AVEN: variants seen among roughly 807,000 people sequenced by gnomAD.
AVEN encodes cell death regulator Aven.
In AVEN, 41 loss-of-function variants were observed where a neutral mutation model predicts 38.1. The observed-to-expected ratio is 1.08, with a 90% CI of 0.84 to 1.40. The LOEUF is 1.40. Among genes scored for constraint, AVEN ranks in the 40% most tolerant of loss-of-function variants. The pLI is 0.00. For missense variants in AVEN, 605 were observed against 438.8 expected, an observed-to-expected ratio of 1.38 and a Z score of -3.38; for synonymous variants, 206 against 171.8, an observed-to-expected ratio of 1.20 and a Z score of -1.56.
intron 2 of AVEN, among the ~76,000 whole-genome samples, chr15:33,912,950 C>G (rs1269463603): frequency 1.3e-5 from 2 of 150,334 alleles, no homozygotes; most frequent in Non-Finnish European, 2.9e-5. Context: ...AGTGCAATGG[C>G]GCGATCTCGG....
At chr15:34,045,053 T>C (rs1471268275) in intron 5 of AVEN, among the ~76,000 whole-genome samples, 1 of 151,960 alleles carries the variant, frequency 6.6e-6, no homozygotes, top group East Asian at 1.9e-4. Flanking sequence ...GTCTCAAAAA[T>C]TAGTAATAAT....
intron 2 of AVEN, among the ~76,000 whole-genome samples, chr15:33,892,134 T>C (rs1048421810): frequency 3.9e-5 from 6 of 152,232 alleles, no homozygotes; most frequent in Non-Finnish European, 7.3e-5. Flanking sequence ...TAGCCCTTTG[T>C]CAGATGGGTA....
At chr15:33,898,846 A>G (rs915274776) in intron 2 of AVEN, among the ~76,000 whole-genome samples, 1 of 152,218 alleles carries the variant, frequency 6.6e-6, no homozygotes, top group Non-Finnish European at 1.5e-5. Flanking sequence ...CAGAAGTCCC[A>G]GGGGGATTAA....
intron 2 of AVEN, among the ~76,000 whole-genome samples, chr15:33,984,452 G>C (rs1384788684): frequency 1.3e-5 from 2 of 151,748 alleles, no homozygotes; most frequent in Non-Finnish European, 2.9e-5. Flanking sequence ...GCTCAGGCTG[G>C]AGTGCAATGG....
chr15:33,908,142 C>T lies in AVEN; in HGVS notation c.446-32147G>A, dbSNP rs187242714. Among the ~76,000 whole-genome samples the T allele has an allele frequency of 2.2e-3, 328 of 152,228 alleles. 1 individual carries two copies. Among genetic ancestry groups the T allele is most frequent in the Admixed American group, 7.8e-3 (119 of 15,290 alleles). On this transcript the variant is annotated intron_variant, in intron 2 of 5. Coordinates refer to ENST00000306730, the MANE Select transcript of AVEN (RefSeq NM_020371.3). The stretch of plus-strand genomic sequence containing the variant: ...TTTAGTCACTTCTAAGTATACAGTC[C>T]GGTGGCATTAAGTACATTCACATTA...
At chr15:33,860,909 T>C (rs1248393651) in intron 11 of AVEN, among the ~76,000 whole-genome samples, 1 of 120,738 alleles carries the variant, frequency 8.3e-6, no homozygotes, top group Non-Finnish European at 1.7e-5. Context: ...ATGGCACTAC[T>C]GAGTGAATGA....
At chr15:34,028,440 T>G (rs1898601869) in intron 1 of AVEN, among the ~76,000 whole-genome samples, 1 of 152,154 alleles carries the variant, frequency 6.6e-6, no homozygotes, top group Non-Finnish European at 1.5e-5. Flanking sequence ...GGCACACATC[T>G]ATTTGGTCCC....
chr15:33,865,765 CGATT>C (rs1890309302), downstream of AVEN: 1 of 153,278 alleles, frequency 6.5e-6, no homozygotes, highest in Non-Finnish European at 1.5e-5. Flanking sequence ...ACTGAAATAT[CGATT>C]AAGTGCCTTA....
At chr15:33,967,327 A>G (rs1373730702) in intron 2 of AVEN, among the ~76,000 whole-genome samples, 2 of 152,152 alleles carry the variant, frequency 1.3e-5, no homozygotes, top group African/African-American at 4.8e-5. Flanking sequence ...TTTCTGAGAC[A>G]CAAGGAATTT....
chr15:33,871,563 C>T (rs1337698766), intron 3 of AVEN, among the ~76,000 whole-genome samples: 1 of 150,866 alleles, frequency 6.6e-6, no homozygotes, highest in Non-Finnish European at 1.5e-5. Context: ...AGTGAAACTC[C>T]ATCTCAAAAA....
At chr15:34,024,170 C>T (rs1898333813) in intron 1 of AVEN, among the ~76,000 whole-genome samples, 3 of 152,150 alleles carry the variant, frequency 2.0e-5, no homozygotes, top group Admixed American at 2.0e-4. Context: ...TGGATTATAG[C>T]AGTGAACAAG....
At chr15:34,024,536 A>T (rs78731312) in intron 1 of AVEN, among the ~76,000 whole-genome samples, 6,220 of 151,266 alleles carry the variant, frequency 0.041, 422 homozygotes, top group African/African-American at 0.14. Context: ...AAAACTATCA[A>T]ATTAAAACTA....
rs565953066 is a variant in AVEN, at chr15:34,029,935, T to G, written c.267+8845A>C. 2.8e-4 allele frequency among the ~76,000 whole-genome samples: 43 copies of G among 152,310 alleles called. 1 individual carries two copies. The highest frequency in any genetic ancestry group is 1.6e-3 in the Admixed American group (24 of 15,294). On this transcript the variant is annotated intron_variant, in intron 1 of 5. Transcript: ENST00000306730. ...ATATCATGAATCCAGCTCACTAGAA[T>G]GTGAACTCTAGATTCACAATAGAAC...
At chr15:33,872,322 C>A (rs1891003832) in intron 3 of AVEN, among the ~76,000 whole-genome samples, 1 of 152,178 alleles carries the variant, frequency 6.6e-6, no homozygotes, top group Admixed American at 6.5e-5. Flanking sequence ...TGTATAAAGG[C>A]ACACTCTTTA....
At chr15:33,908,971 G>C (rs1311830428) in intron 2 of AVEN, among the ~76,000 whole-genome samples, 1 of 152,116 alleles carries the variant, frequency 6.6e-6, no homozygotes, top group African/African-American at 2.4e-5. Context: ...GCTGAATTCT[G>C]AAGCTGCTTC....
At chr15:33,910,447 C>A (rs1892876181) in intron 2 of AVEN, among the ~76,000 whole-genome samples, 1 of 152,132 alleles carries the variant, frequency 6.6e-6, no homozygotes, top group African/African-American at 2.4e-5. Flanking sequence ...GAACTCAGGC[C>A]ACAAAGGCAA....
intron 1 of AVEN, among the ~76,000 whole-genome samples, chr15:34,027,246 G>A (rs926628147): frequency 4.6e-5 from 7 of 152,004 alleles, no homozygotes; most frequent in Admixed American, 2.0e-4. Context: ...GAACAGCCTC[G>A]GCTCATACCT....
chr15:33,854,673 C>A (rs2079460084), downstream of AVEN: 7 of 1,486,600 alleles, frequency 4.7e-6, no homozygotes, highest in South Asian at 5.3e-5. Flanking sequence ...CCCCCTCTAT[C>A]CTCAGTGTGT....
intron 11 of AVEN, chr15:33,859,518 C>A (rs1020833628): frequency 4.4e-6 from 7 of 1,591,014 alleles, no homozygotes; most frequent in Non-Finnish European, 6.0e-6. Flanking sequence ...ATCTGAGCAT[C>A]TTGCTAAAAA....
Sources: gnomAD v4.1 joint callset for allele counts (sites outside exome capture counted in the v4.1 genomes callset) on GRCh38, gnomAD v4.1.1 for gene constraint, MANE v1.5 for transcripts, NCBI Gene and HGNC (gene_info 2026-07-23, HGNC 2026-07-21) for gene names.